Variants in PTPRD observed in about 807,000 individuals in gnomAD.
PTPRD encodes protein tyrosine phosphatase receptor type D.
Under a neutral mutation model 214.5 loss-of-function variants are expected in PTPRD, and 34 were observed. That is an observed-to-expected ratio of 0.16 (90% CI 0.12 to 0.21). The LOEUF (loss-of-function observed/expected upper bound fraction) is 0.21, where lower values mean the gene tolerates loss of function less well. PTPRD is among the 10% of genes least tolerant of loss of function. The pLI is 1.00. For missense variants in PTPRD, 2,545 were observed against 2,398.7 expected, an observed-to-expected ratio of 1.06 and a Z score of -1.27; for synonymous variants, 1,128 against 845.7, an observed-to-expected ratio of 1.33 and a Z score of -5.79.
chr9:8,338,132 A>G (rs551697172), intron 43 of PTPRD, among the ~76,000 whole-genome samples: 1 of 152,194 alleles, frequency 6.6e-6, no homozygotes, highest in South Asian at 2.1e-4. Context: ...TGGATCAACT[A>G]AATAGCTTTA....
intron 9 of PTPRD, among the ~76,000 whole-genome samples, chr9:9,383,076 T>C (rs1569567863): frequency 6.6e-6 from 1 of 152,122 alleles, no homozygotes; most frequent in Non-Finnish European, 1.5e-5. Flanking sequence ...ACTGTGTTTC[T>C]ATATTTCTTA....
At chr9:9,817,613 A>G (rs1361611975) in intron 5 of PTPRD, among the ~76,000 whole-genome samples, 1 of 152,118 alleles carries the variant, frequency 6.6e-6, no homozygotes, top group Non-Finnish European at 1.5e-5. Flanking sequence ...GATGACAGTT[A>G]ATTTTGTTTC....
At chr9:9,322,699 G>C (rs1383096628) in intron 9 of PTPRD, among the ~76,000 whole-genome samples, 1 of 152,232 alleles carries the variant, frequency 6.6e-6, no homozygotes, top group Admixed American at 6.5e-5. Context: ...TAGATCCTTG[G>C]TATGAGGGAA....
At chr9:9,639,459 G>A (rs2095868646) in intron 7 of PTPRD, among the ~76,000 whole-genome samples, 3 of 152,180 alleles carry the variant, frequency 2.0e-5, no homozygotes, top group Admixed American at 2.0e-4. Context: ...AAAAGGCATA[G>A]TTTCACTCTG....
At chr9:10,439,313 A>G (rs1236802049) in intron 2 of PTPRD, among the ~76,000 whole-genome samples, 1 of 151,812 alleles carries the variant, frequency 6.6e-6, no homozygotes, top group East Asian at 1.9e-4. Flanking sequence ...CTAAGTCTAG[A>G]GCAATGCTGG....
At chr9:9,926,353 C>T (rs1206155745) in intron 5 of PTPRD, among the ~76,000 whole-genome samples, 3 of 151,992 alleles carry the variant, frequency 2.0e-5, no homozygotes, top group African/African-American at 7.2e-5. Context: ...AAGGGATCAT[C>T]ATCATACAAA....
chr9:10,393,584 A>T (rs890363246), intron 2 of PTPRD, among the ~76,000 whole-genome samples: 1 of 150,776 alleles, frequency 6.6e-6, no homozygotes, highest in Non-Finnish European at 1.5e-5. Flanking sequence ...TAAGACCAGG[A>T]GTTCAAGGCT....
intron 8 of PTPRD, among the ~76,000 whole-genome samples, chr9:9,415,266 G>C (rs908824686): frequency 6.6e-6 from 1 of 152,058 alleles, no homozygotes; most frequent in Non-Finnish European, 1.5e-5. Flanking sequence ...TCGAGGCTAG[G>C]AGTTTGAGAG....
intron 11 of PTPRD, among the ~76,000 whole-genome samples, chr9:8,829,816 C>A (rs1038612220): frequency 1.3e-5 from 2 of 152,140 alleles, no homozygotes; most frequent in African/African-American, 4.8e-5. Flanking sequence ...GGTCATTTAC[C>A]CTTCCTGACC....
intron 11 of PTPRD, among the ~76,000 whole-genome samples, chr9:8,940,280 C>CCTTTTTTTTTTT (rs763715400): frequency 1.1e-5 from 1 of 89,050 alleles, no homozygotes; most frequent in Non-Finnish European, 2.1e-5. Flanking sequence ...TCTCTCTCTC[C>CCTTTTTTTTTTT]TTTTTTTTTT....
intron 5 of PTPRD, among the ~76,000 whole-genome samples, chr9:9,827,664 A>C (rs960801035): frequency 2.0e-5 from 3 of 152,204 alleles, no homozygotes; most frequent in Non-Finnish European, 2.9e-5. Flanking sequence ...AACGGGATCT[A>C]ATTAAACTAA....
At chr9:10,226,614 C>G (rs2099589757) in intron 3 of PTPRD, among the ~76,000 whole-genome samples, 1 of 151,988 alleles carries the variant, frequency 6.6e-6, no homozygotes, top group Non-Finnish European at 1.5e-5. Context: ...AAGATGCGAA[C>G]CAAACCGCAT....
chr9:8,621,960 T>A (rs189103897), intron 14 of PTPRD, among the ~76,000 whole-genome samples: 225 of 152,078 alleles, frequency 1.5e-3, no homozygotes, highest in African/African-American at 5.1e-3. Context: ...AACTACCATC[T>A]TCTAATAAAT....
At chr9:8,598,305 A>G (rs546339718) in intron 14 of PTPRD, among the ~76,000 whole-genome samples, 2 of 152,114 alleles carry the variant, frequency 1.3e-5, no homozygotes, top group South Asian at 4.2e-4. Flanking sequence ...TATGAAAATT[A>G]GCCCAGTATG....
intron 11 of PTPRD, among the ~76,000 whole-genome samples, chr9:8,934,042 C>A (rs957327295): frequency 3.3e-5 from 5 of 151,984 alleles, no homozygotes; most frequent in African/African-American, 9.7e-5. Context: ...GTAACTAATT[C>A]TATTCCTCAG....
intron 2 of PTPRD, among the ~76,000 whole-genome samples, chr9:10,513,011 C>T (rs918393487): frequency 7.2e-5 from 11 of 151,896 alleles, no homozygotes; most frequent in Non-Finnish European, 1.3e-4. Flanking sequence ...GAAAAATGAA[C>T]AGAATTGTAC....
intron 9 of PTPRD, among the ~76,000 whole-genome samples, chr9:9,219,428 AAC>A (rs918791070): frequency 6.6e-6 from 1 of 152,086 alleles, no homozygotes; most frequent in African/African-American, 2.4e-5. Flanking sequence ...TAAAAAAAAA[AAC>A]ATTATAGCAA....
chr9:9,085,535 G>C (rs561095025), intron 10 of PTPRD, among the ~76,000 whole-genome samples: 1 of 151,992 alleles, frequency 6.6e-6, no homozygotes, highest in African/African-American at 2.4e-5. Context: ...AAACAGTTTA[G>C]AAACTCAGGG....
intron 8 of PTPRD, among the ~76,000 whole-genome samples, chr9:9,569,965 G>A (rs1224451021): frequency 6.6e-6 from 1 of 151,332 alleles, no homozygotes; most frequent in Non-Finnish European, 1.5e-5. Context: ...CACTGAACTA[G>A]TTTTTCAGAA....
Sources: allele counts gnomAD v4.1 joint callset (sites outside exome capture counted in the v4.1 genomes callset), GRCh38; gene constraint gnomAD v4.1.1; transcripts MANE v1.5; gene names NCBI Gene and HGNC (gene_info 2026-07-23, HGNC 2026-07-21).